Variants in RAB1A observed in about 807,000 individuals in gnomAD.
RAB1A encodes the protein ras-related protein Rab-1A.
A neutral mutation model predicts 26.0 loss-of-function variants in RAB1A; 2 were observed. The ratio of observed to expected loss-of-function variants is 0.08; its 90% CI spans 0.03 to 0.24. RAB1A has a LOEUF of 0.24. RAB1A is among the 10% of genes least tolerant of loss of function. The pLI is 1.00. For synonymous variants in RAB1A, 84 were observed against 84.9 expected (o/e 0.99, Z 0.06); for missense variants, 100 against 247.0 (o/e 0.40, Z 3.99).
chr2:65,096,955 A>G (rs3771105), intron 3 of RAB1A, among the ~76,000 whole-genome samples: 11,463 of 152,286 alleles, frequency 0.075, 559 homozygotes, highest in East Asian at 0.23. Flanking sequence ...ATAAATTAGT[A>G]AATCAGGTGT....
rs563557351 is a variant in RAB1A, at chr2:65,130,023, G to A, written c.-108C>T. 2.6e-5 allele frequency: 33 copies of A among 1,267,694 alleles called. No homozygotes were observed. In the South Asian group the frequency reaches 3.7e-4, roughly 14 times the overall value. 78.5% of individuals were successfully genotyped at this position (1,267,694 alleles called of 1,614,324 possible). A position where few individuals can be genotyped will look rare whatever the true frequency, so the allele number is the denominator to read the frequency against. ...AGAAAGGAATGAGATAGGCTGTTCC[G>A]GGAGAGCAAACGTCTTCCCCTACTC... On this transcript the variant is annotated 5_prime_UTR_variant, in exon 1 of 6. Transcript: ENST00000409784.
At chr2:65,122,154 TCAAAAAAA>T (rs1669977157) in intron 1 of RAB1A, among the ~76,000 whole-genome samples, 1 of 115,780 alleles carries the variant, frequency 8.6e-6, no homozygotes, top group African/African-American at 3.7e-5. Flanking sequence ...AGACTCTATC[TCAAAAAAA>T]AAAAAAAAAA....
Position 65,088,922 on chromosome 2 carries a change from T to C in RAB1A, c.420+17A>G. 1 of 1,586,386 alleles carries C rather than the reference T, an allele frequency of 6.3e-7. No homozygotes were observed. The highest frequency in any genetic ancestry group is 8.6e-7 in the Non-Finnish European group (1 of 1,165,162). Reference sequence around the variant, plus strand: ...AACACCTTCAAATTCAGTATGAAAATTAAACTTTAAACATACCTTCGCTGT... The same window carrying C: ...AACACCTTCAAATTCAGTATGAAAACTAAACTTTAAACATACCTTCGCTGT... On this transcript the variant is annotated intron_variant, in intron 5 of 5. Transcript: ENST00000409784.
intron 1 of RAB1A, among the ~76,000 whole-genome samples, chr2:65,113,864 C>T (rs6757520): frequency 0.82 from 124,580 of 152,226 alleles, 51,078 homozygotes; most frequent in African/African-American, 0.83. Context: ...AACTGTAGGA[C>T]TATAATGGAT....
intron 2 of RAB1A, among the ~76,000 whole-genome samples, chr2:65,102,858 G>A (rs547903170): frequency 2.6e-5 from 4 of 151,854 alleles, no homozygotes; most frequent in South Asian, 2.1e-4. Context: ...CCCGAGAAGC[G>A]GAGGTTGCAG....
At chr2:65,112,038 G>A (rs188716966) in intron 1 of RAB1A, among the ~76,000 whole-genome samples, 2 of 151,764 alleles carry the variant, frequency 1.3e-5, no homozygotes, top group Non-Finnish European at 2.9e-5. Flanking sequence ...AGCTGATATC[G>A]CACCACTGCA....
At chr2:65,112,388 C>T (rs1388491216) in intron 1 of RAB1A, among the ~76,000 whole-genome samples, 1 of 152,024 alleles carries the variant, frequency 6.6e-6, no homozygotes, top group South Asian at 2.1e-4. Context: ...CTCAAGTGAT[C>T]CACCTGCCTC....
At chr2:65,091,148 G>T in intron 3 of RAB1A, 70 bp from the exon 4 acceptor site, 1 of 1,208,688 alleles carries the variant, frequency 8.3e-7, no homozygotes, top group East Asian at 2.4e-5. Flanking sequence ...GTAGGAGGGA[G>T]GGGAAATAGT....
rs543511407 is a variant in RAB1A at position 65,086,945 on chromosome 2, A to G, written c.*1548T>C. The stretch of plus-strand genomic sequence containing the variant: ...TCATTTTACAATTATCTTACCACTT[A>G]TTTTTGTACCATGTATTTCAATTGC... On this transcript the variant is annotated 3_prime_UTR_variant, in exon 6 of 6. Transcript: ENST00000409784. 2.0e-5 allele frequency: 3 copies of G among 152,690 alleles called. No individual in the cohort carries two copies. In the East Asian group the frequency reaches 5.8e-4, roughly 29 times the overall value. 9.5% of individuals were successfully genotyped at this position (152,690 alleles called of 1,614,324 possible). A position where few individuals can be genotyped will look rare whatever the true frequency, so the allele number is the denominator to read the frequency against.
intron 1 of RAB1A, among the ~76,000 whole-genome samples, chr2:65,127,273 T>C (rs994428092): frequency 1.3e-5 from 2 of 152,200 alleles, no homozygotes; most frequent in Non-Finnish European, 2.9e-5. Flanking sequence ...ACTCCCTCTG[T>C]TCCTCCAAAT....
chr2:65,113,594 G>C (rs1206445927), intron 1 of RAB1A, among the ~76,000 whole-genome samples: 1 of 152,162 alleles, frequency 6.6e-6, no homozygotes, highest in African/African-American at 2.4e-5. Flanking sequence ...TAAAAAGTTA[G>C]AAAAACAGAT....
Position 65,109,666 on chromosome 2 carries a change from C to T in RAB1A, c.24-4860G>A, listed in dbSNP as rs192315621. 5.4e-3 allele frequency among the ~76,000 whole-genome samples: 809 copies of T among 150,462 alleles called. 10 individuals are homozygous for T. The highest frequency in any genetic ancestry group is 0.019 in the African/African-American group (758 of 40,910). On this transcript the variant is annotated intron_variant, in intron 1 of 5. Transcript: ENST00000409784. ...CGGAGGTTGCAGTGAGGAGAGACTG[C>T]GCCATTGCACTCCAGCCTGGGCAAC...
At chr2:65,091,811 C>T (rs562279844) in intron 3 of RAB1A, among the ~76,000 whole-genome samples, 5 of 152,298 alleles carry the variant, frequency 3.3e-5, no homozygotes, top group African/African-American at 1.2e-4. Flanking sequence ...TGGCATGAGC[C>T]ACCATGCCTG....
At chr2:65,119,560 CA>C (rs5831736) in intron 1 of RAB1A, among the ~76,000 whole-genome samples, 97,648 of 141,324 alleles carry the variant, frequency 0.69, 32,906 homozygotes, top group African/African-American at 0.7. Context: ...GACTCTGTCT[CA>C]AAAAAAAACA....
At chr2:65,122,233 C>T (rs114097684) in intron 1 of RAB1A, among the ~76,000 whole-genome samples, 124 of 150,356 alleles carry the variant, frequency 8.2e-4, no homozygotes, top group African/African-American at 3.0e-3. Flanking sequence ...GCACACTACA[C>T]CCATTTTCAG....
intron 4 of RAB1A, among the ~76,000 whole-genome samples, chr2:65,089,776 C>T (rs1669127052): frequency 6.7e-6 from 1 of 149,416 alleles, no homozygotes; most frequent in Non-Finnish European, 1.5e-5. Context: ...GATCTCGGCT[C>T]ACTGCAACCT....
intron 1 of RAB1A, among the ~76,000 whole-genome samples, chr2:65,113,398 T>C (rs970593917): frequency 2.0e-5 from 3 of 152,242 alleles, no homozygotes; most frequent in African/African-American, 7.2e-5. Flanking sequence ...CCCAGCTACT[T>C]AGAAGGCTGA....
chr2:65,114,087 G>A (rs17029860), intron 1 of RAB1A: 2 of 427,548 alleles, frequency 4.7e-6, no homozygotes, highest in Non-Finnish European at 9.1e-6. Flanking sequence ...GTTGTAAACA[G>A]ACAGCAATGG....
chr2:65,128,572 A>C (rs1300926011), intron 1 of RAB1A, among the ~76,000 whole-genome samples: 2 of 152,232 alleles, frequency 1.3e-5, no homozygotes, highest in Non-Finnish European at 2.9e-5. Context: ...TGTTTAGTGC[A>C]AAAGATTTCA....
Sources: gnomAD v4.1 joint callset for allele counts (sites outside exome capture counted in the v4.1 genomes callset) on GRCh38, gnomAD v4.1.1 for gene constraint, MANE v1.5 for transcripts, NCBI Gene and HGNC (gene_info 2026-07-23, HGNC 2026-07-21) for gene names.